The following PDE4B variants were observed in gnomAD, a reference collection of about 807,000 sequenced individuals.
PDE4B encodes the protein 3',5'-cyclic-AMP phosphodiesterase 4B.
Under a neutral mutation model 82.2 loss-of-function variants are expected in PDE4B, and 20 were observed. The ratio of observed to expected loss-of-function variants is 0.24; its 90% CI spans 0.17 to 0.35. The LOEUF (loss-of-function observed/expected upper bound fraction) is 0.35, where lower values mean the gene tolerates loss of function less well. Among genes scored for constraint, PDE4B ranks in the 10% least tolerant of loss-of-function variants. The pLI, the probability that PDE4B is intolerant of heterozygous loss-of-function variation, is 1.00. For synonymous variants in PDE4B, 320 were observed against 318.9 expected (o/e 1.00, Z -0.04); for missense variants, 655 against 907.2 (o/e 0.72, Z 3.57).
chr1:65,963,059 A>G (rs1649627481), intron 3 of PDE4B, among the ~76,000 whole-genome samples: 1 of 152,108 alleles, frequency 6.6e-6, no homozygotes, highest in Non-Finnish European at 1.5e-5. Flanking sequence ...CCAGCTACCA[A>G]CTGGCTTGGA....
chr1:65,931,106 T>C (rs1386580450), intron 3 of PDE4B, among the ~76,000 whole-genome samples: 1 of 152,166 alleles, frequency 6.6e-6, no homozygotes, highest in Non-Finnish European at 1.5e-5. Flanking sequence ...GATATGGTTA[T>C]TTAGAAATGT....
chr1:66,257,507 G>A, intron 4 of PDE4B, 140 bp from the exon 5 acceptor site: 1 of 897,860 alleles, frequency 1.1e-6, no homozygotes, highest in African/African-American at 1.6e-5. Context: ...GCCAAATTGT[G>A]AGTCCTGTCT....
chr1:66,358,735 A>T (rs969247034), intron 9 of PDE4B, among the ~76,000 whole-genome samples: 11 of 152,074 alleles, frequency 7.2e-5, no homozygotes, highest in African/African-American at 2.7e-4. Flanking sequence ...CTGTAAGACC[A>T]TGGCAACCAC....
chr1:65,906,645 G>A (rs889403797), intron 1 of PDE4B, among the ~76,000 whole-genome samples: 42 of 152,094 alleles, frequency 2.8e-4, no homozygotes, highest in African/African-American at 1.0e-3. Flanking sequence ...GGGTTAGTTT[G>A]TCACTTTCTC....
chr1:65,850,736 CA>C (rs1331299947), intron 1 of PDE4B, among the ~76,000 whole-genome samples: 1 of 152,006 alleles, frequency 6.6e-6, no homozygotes, highest in African/African-American at 2.4e-5. Context: ...ATATATGTTA[CA>C]AAAGTTTTCC....
chr1:66,119,439 G>A (rs1345272445), intron 3 of PDE4B, among the ~76,000 whole-genome samples: 4 of 152,180 alleles, frequency 2.6e-5, no homozygotes, highest in Non-Finnish European at 1.5e-5. Flanking sequence ...TATGGGTAAT[G>A]GAGCGTATCT....
chr1:66,371,682 T>G (rs1056688848), intron 16 of PDE4B, among the ~76,000 whole-genome samples: 3 of 152,216 alleles, frequency 2.0e-5, no homozygotes, highest in African/African-American at 4.8e-5. Context: ...TTTTCACGTG[T>G]TTCATCAAAC....
At chr1:65,889,027 G>A (rs960043036) in intron 1 of PDE4B, among the ~76,000 whole-genome samples, 21 of 152,066 alleles carry the variant, frequency 1.4e-4, no homozygotes, top group African/African-American at 5.1e-4. Context: ...CTTTTAGAGA[G>A]AAGACTTTCA....
chr1:66,206,261 A>C (rs1649542460), intron 3 of PDE4B, among the ~76,000 whole-genome samples: 1 of 152,240 alleles, frequency 6.6e-6, no homozygotes, highest in African/African-American at 2.4e-5. Context: ...AGTGATATTC[A>C]ATTATGAGCT....
intron 1 of PDE4B, among the ~76,000 whole-genome samples, chr1:65,895,549 CAAAAAAAAAAAA>C (rs10605148): frequency 5.4e-5 from 5 of 91,998 alleles, no homozygotes; most frequent in Non-Finnish European, 1.0e-4. Flanking sequence ...GACACTGTCT[CAAAAAAAAAAAA>C]AAAAAAAAAA....
At chr1:66,272,442 G>A (rs1017689264) in intron 7 of PDE4B, among the ~76,000 whole-genome samples, 1 of 152,142 alleles carries the variant, frequency 6.6e-6, no homozygotes, top group Non-Finnish European at 1.5e-5. Flanking sequence ...TTATCAGTAA[G>A]TTTGTATATA....
intron 3 of PDE4B, among the ~76,000 whole-genome samples, chr1:66,222,178 G>A (rs1651042511): frequency 6.6e-6 from 1 of 152,186 alleles, no homozygotes; most frequent in South Asian, 2.1e-4. Flanking sequence ...GGAGTAAGGA[G>A]TAAAAGCAGA....
intron 9 of PDE4B, among the ~76,000 whole-genome samples, chr1:66,359,695 CT>C (rs1557726522): frequency 6.6e-6 from 1 of 152,156 alleles, no homozygotes. Context: ...ATCTAAGAGC[CT>C]CTTTAACCGG....
intron 8 of PDE4B, among the ~76,000 whole-genome samples, chr1:66,341,409 C>T (rs977505046): frequency 8.5e-5 from 13 of 152,128 alleles, no homozygotes; most frequent in African/African-American, 2.9e-4. Context: ...TCTTCATTTA[C>T]GTTTCTTGAG....
At chr1:66,314,545 C>T (rs764208633) in intron 7 of PDE4B, among the ~76,000 whole-genome samples, 18 of 152,078 alleles carry the variant, frequency 1.2e-4, no homozygotes, top group South Asian at 8.3e-4. Flanking sequence ...ACTGAGTAGC[C>T]GGGATTACAG....
At chr1:65,822,292 GGATATTAA>G (rs1645961901) in intron 1 of PDE4B, among the ~76,000 whole-genome samples, 1 of 152,056 alleles carries the variant, frequency 6.6e-6, no homozygotes, top group Non-Finnish European at 1.5e-5. Context: ...TCCCGTGAAT[GGATATTAA>G]GATTGTTTTC....
chr1:66,203,617 C>T (rs936895929), intron 3 of PDE4B, among the ~76,000 whole-genome samples: 2 of 152,148 alleles, frequency 1.3e-5, no homozygotes, highest in Non-Finnish European at 2.9e-5. Flanking sequence ...ATCACTGATA[C>T]CCTTTCTTCC....
chr1:66,088,113 A>G (rs1292469338), intron 3 of PDE4B, among the ~76,000 whole-genome samples: 2 of 152,114 alleles, frequency 1.3e-5, no homozygotes, highest in African/African-American at 4.8e-5. Context: ...GGGTTGGAAG[A>G]ACATTGCTAA....
At chr1:66,162,875 G>A (rs995839342) in intron 3 of PDE4B, among the ~76,000 whole-genome samples, 1 of 152,090 alleles carries the variant, frequency 6.6e-6, no homozygotes, top group Non-Finnish European at 1.5e-5. Context: ...TACAATAATG[G>A]ATCAATTAAT....
Sources: allele counts gnomAD v4.1 joint callset (sites outside exome capture counted in the v4.1 genomes callset), GRCh38; gene constraint gnomAD v4.1.1; transcripts MANE v1.5; gene names NCBI Gene and HGNC (gene_info 2026-07-23, HGNC 2026-07-21).